CDIP1: variants seen among roughly 807,000 people sequenced by gnomAD.
CDIP1 encodes the protein cell death-inducing p53-target protein 1.
A neutral mutation model predicts 17.7 loss-of-function variants in CDIP1; 9 were observed. The observed-to-expected ratio is 0.51, with a 90% CI of 0.31 to 0.89. CDIP1 has a LOEUF of 0.89. Among genes scored for constraint, CDIP1 ranks in the 40% least tolerant of loss-of-function variants. CDIP1 has a pLI of 0.05. For synonymous variants in CDIP1, 117 were observed against 109.5 expected, an observed-to-expected ratio of 1.07 and a Z score of -0.43; for missense variants, 263 against 277.9, an observed-to-expected ratio of 0.95 and a Z score of 0.38.
chr16:4,537,017 A>G (rs1230312470), intron 1 of CDIP1, among the ~76,000 whole-genome samples: 1 of 152,176 alleles, frequency 6.6e-6, no homozygotes, highest in Non-Finnish European at 1.5e-5. Context: ...GAACTCCTTC[A>G]AATTCTCAAG....
chr16:4,538,412 G>C (rs1596501837), intron 1 of CDIP1: 1 of 152,402 alleles, frequency 6.6e-6, no homozygotes, highest in Non-Finnish European at 1.5e-5. Flanking sequence ...CCTCAGCCCC[G>C]CGCGGCTTTG....
rs1001982752 is a variant in CDIP1 at position 4,510,765 on chromosome 16, G to C, written c.*1807C>G. ...ACCTGTAAAAGTTTTATTTCAAAAA[G>C]GGTTAAAAAGTAGGGAAACTCTTTA... On this transcript the variant is annotated 3_prime_UTR_variant, in exon 6 of 6. Coordinates refer to ENST00000567695, the MANE Select transcript of CDIP1 (RefSeq NM_013399.3). 2.6e-5 allele frequency: 4 copies of C among 152,122 alleles called. No individual in the cohort carries two copies. Among genetic ancestry groups the C allele is most frequent in the Admixed American group, 1.3e-4 (2 of 15,282 alleles). The allele number at this position is 152,122 out of a possible 1,614,324, so 9.4% of individuals were successfully genotyped here. A position where few individuals can be genotyped will look rare whatever the true frequency, so the allele number is the denominator to read the frequency against.
intron 1 of CDIP1, among the ~76,000 whole-genome samples, chr16:4,534,304 G>A (rs1263551670): frequency 2.6e-5 from 4 of 152,134 alleles, no homozygotes; most frequent in South Asian, 2.1e-4. Flanking sequence ...GAACACAGCC[G>A]CAGCCGAGAG....
chr16:4,516,039 CAA>C (rs1181644024), intron 1 of CDIP1, among the ~76,000 whole-genome samples: 1 of 152,112 alleles, frequency 6.6e-6, no homozygotes, highest in African/African-American at 2.4e-5. Context: ...TGTCCATCAA[CAA>C]AGTGGATAAA....
intron 1 of CDIP1, among the ~76,000 whole-genome samples, chr16:4,525,382 A>C (rs1396785548): frequency 6.6e-6 from 1 of 152,160 alleles, no homozygotes; most frequent in Non-Finnish European, 1.5e-5. Context: ...GCACTGGCTC[A>C]AGGAGGAGCT....
chr16:4,536,882 TG>T (rs1193459356), intron 1 of CDIP1: 6 of 151,930 alleles, frequency 3.9e-5, no homozygotes, highest in African/African-American at 1.5e-4. Flanking sequence ...GTGAACGTCG[TG>T]ACGGCACCGC....
intron 1 of CDIP1, among the ~76,000 whole-genome samples, chr16:4,515,312 T>C (rs1340941163): frequency 6.6e-6 from 1 of 152,210 alleles, no homozygotes; most frequent in Non-Finnish European, 1.5e-5. Flanking sequence ...GTCCAAGCTC[T>C]TGGGTTCAAC....
chr16:4,534,067 C>T (rs1220844259), intron 1 of CDIP1, among the ~76,000 whole-genome samples: 14 of 152,264 alleles, frequency 9.2e-5, no homozygotes, highest in Non-Finnish European at 1.5e-5. Context: ...TCTCCTGCCT[C>T]AGCCTCCTGA....
rs79156663 is a variant in CDIP1, at chr16:4,530,364, T to C, written c.-105+8338A>G. ...TTACACTGCATTATATGAAACAGTA[T>C]ATAGACTGGGTGCAGTGGCTCACGC... On this transcript the variant is annotated intron_variant, in intron 1 of 5. Transcript: ENST00000567695. Among the ~76,000 whole-genome samples the C allele has an allele frequency of 1.7e-3, 255 of 152,302 alleles. 2 individuals are homozygous for C. The highest frequency in any genetic ancestry group is 6.0e-3 in the African/African-American group (250 of 41,574).
chr16:4,533,247 C>G (rs1427670844), intron 1 of CDIP1: 6 of 152,306 alleles, frequency 3.9e-5, no homozygotes, highest in Non-Finnish European at 1.5e-5. Flanking sequence ...CCAGGGAATT[C>G]TGGGTCTAGG....
chr16:4,532,845 C>T (rs1034153313), intron 1 of CDIP1: 1 of 152,276 alleles, frequency 6.6e-6, no homozygotes, highest in Non-Finnish European at 1.5e-5. Context: ...GAAACTAAGG[C>T]CTGAGGTCAG....
Position 4,512,721 on chromosome 16 carries a change from T to C in CDIP1, c.516-38A>G, listed in dbSNP as rs2058844415. ...CAGGGAAGAACAGGCTGAGGCCTGC[T>C]GCGGAGGAGGCAGAGGCAGCCAGTT... On this transcript the variant is annotated intron_variant, in intron 5 of 5. Transcript: ENST00000567695. The surrounding 1 kb of genome is among the most constrained non-coding windows in gnomAD (Gnocchi z 4.6). The C allele has an allele frequency of 2.5e-6, 4 of 1,607,346 alleles. No individual in the cohort carries two copies. The South Asian group carries it at 4.4e-5, about 18-fold the overall frequency.
chr16:4,536,016 G>GCT lies in CDIP1; in HGVS notation c.-105+2684_-105+2685dup, dbSNP rs924037151. 1.7e-4 allele frequency among the ~76,000 whole-genome samples: 26 copies of GCT among 152,262 alleles called. 1 individual carries two copies. The highest frequency in any genetic ancestry group is 6.0e-4 in the African/African-American group (25 of 41,554). The stretch of plus-strand genomic sequence containing the variant: ...ACCTCCTGTCACCACTGCCGGCCTG[G>GCT]CTCTCTCTCTCCATCCTCCCCATGG... On this transcript the variant is annotated intron_variant, in intron 1 of 5. Transcript: ENST00000567695.
intron 1 of CDIP1, among the ~76,000 whole-genome samples, chr16:4,536,925 C>G (rs1341260322): frequency 6.6e-6 from 1 of 152,136 alleles, no homozygotes; most frequent in Non-Finnish European, 1.5e-5. Flanking sequence ...GAGCAAGACC[C>G]TGGCTCTAAA....
rs1046278713 is a variant in CDIP1, at chr16:4,513,616, C to T, written c.241+80G>A. ...GTCCCTGCCCTACAGCAGATGCCCA[C>T]CTGTACTGAGGACAGCCAGCGCAGG... On this transcript the variant is annotated intron_variant, in intron 4 of 5. Transcript: ENST00000567695. The surrounding 1 kb of genome is among the most constrained non-coding windows in gnomAD (Gnocchi z 4.1). The T allele has an allele frequency of 1.2e-5, 15 of 1,303,890 alleles. No individual in the cohort carries two copies. The highest frequency in any genetic ancestry group is 2.3e-5 in the East Asian group (1 of 42,806). The allele number at this position is 1,303,890 out of a possible 1,614,324, so 80.8% of individuals were successfully genotyped here. A position where few individuals can be genotyped will look rare whatever the true frequency, so the allele number is the denominator to read the frequency against.
At chr16:4,518,770 T>G (rs1190724368) in intron 1 of CDIP1, among the ~76,000 whole-genome samples, 1 of 152,234 alleles carries the variant, frequency 6.6e-6, no homozygotes. Context: ...AGAATAATCT[T>G]TCAATCACAC....
At chr16:4,527,422 G>A (rs902581599) in intron 1 of CDIP1, among the ~76,000 whole-genome samples, 1 of 152,140 alleles carries the variant, frequency 6.6e-6, no homozygotes, top group African/African-American at 2.4e-5. Context: ...AAATCAAAAG[G>A]CAGACAGGAC....
chr16:4,512,722 G>A lies in CDIP1; in HGVS notation c.516-39C>T. ...AGGGAAGAACAGGCTGAGGCCTGCT[G>A]CGGAGGAGGCAGAGGCAGCCAGTTG... On this transcript the variant is annotated intron_variant, in intron 5 of 5. Coordinates refer to ENST00000567695, the MANE Select transcript of CDIP1 (RefSeq NM_013399.3). The surrounding 1 kb of genome is among the most constrained non-coding windows in gnomAD (Gnocchi z 4.6). 6.2e-7 allele frequency: 1 copy of A among 1,605,396 alleles called. No individual in the cohort carries two copies. The highest frequency in any genetic ancestry group is 1.1e-5 in the South Asian group (1 of 90,752).
At chr16:4,520,542 ACAT>A (rs2058935378) in intron 1 of CDIP1, among the ~76,000 whole-genome samples, 1 of 152,228 alleles carries the variant, frequency 6.6e-6, no homozygotes, top group Non-Finnish European at 1.5e-5. Context: ...TGATTTCTTA[ACAT>A]CATGTGTGGG....
Sources: allele counts gnomAD v4.1 joint callset (sites outside exome capture counted in the v4.1 genomes callset), GRCh38; gene constraint gnomAD v4.1.1; non-coding constraint Gnocchi (gnomAD v3.1); transcripts MANE v1.5; gene names NCBI Gene and HGNC (gene_info 2026-07-23, HGNC 2026-07-21).